The following HERC2 variants were observed in gnomAD, a reference collection of about 807,000 sequenced individuals.
HERC2 encodes E3 ubiquitin-protein ligase HERC2.
A neutral mutation model predicts 537.7 loss-of-function variants in HERC2; 102 were observed. That is an observed-to-expected ratio of 0.19 (90% CI 0.16 to 0.22). The LOEUF (loss-of-function observed/expected upper bound fraction) is 0.22. Among genes scored for constraint, HERC2 ranks in the 10% least tolerant of loss-of-function variants. HERC2 has a pLI of 1.00. For missense variants in HERC2, 4,236 were observed against 6,198.2 expected, an observed-to-expected ratio of 0.68 and a Z score of 10.63; for synonymous variants, 2,224 against 2,466.2, an observed-to-expected ratio of 0.90 and a Z score of 2.91.
intron 44 of HERC2, among the ~76,000 whole-genome samples, chr15:28,206,598 C>T (rs1205747170): frequency 6.6e-6 from 1 of 151,586 alleles, no homozygotes; most frequent in Non-Finnish European, 1.5e-5. Context: ...CTTCGGGAGG[C>T]CAAGGCGGGT....
At chr15:28,310,570 T>G (rs13380224) in intron 2 of HERC2, among the ~76,000 whole-genome samples, 10,575 of 151,842 alleles carry the variant, frequency 0.07, 738 homozygotes, top group African/African-American at 0.25. Flanking sequence ...TCTTCTAGTC[T>G]TCAGTCAGAG....
chr15:28,192,033 G>A lies in HERC2; in HGVS notation c.8379C>T (p.Ser2793=), dbSNP rs758585160. The A allele has an allele frequency of 9.9e-6, 16 of 1,613,926 alleles. No homozygotes were observed. The highest frequency in any genetic ancestry group is 2.2e-5 in the East Asian group (1 of 44,888). The change falls in exon 53 of 93, where the codon TCC becomes TCT. Residue 2793 remains serine, a synonymous_variant. Transcript: ENST00000261609. Reference sequence around the variant, plus strand: ...TGAGACGGGATGCCTGGTTCACGGAGGACGACACATTCAGGCTCTTCACCA... The same window carrying A: ...TGAGACGGGATGCCTGGTTCACGGAAGACGACACATTCAGGCTCTTCACCA... ...SRMVKSLNVS[S]SVNQASRLID...
chr15:28,274,305 C>T lies in HERC2; in HGVS notation c.786G>A (p.Arg262=), dbSNP rs1459929821. Reference sequence around the variant, plus strand: ...AAAGAACTCACCCCGTCACGACGGACCTGAGGAACCTGGTCGCTCTCTCCA... The same window carrying T: ...AAAGAACTCACCCCGTCACGACGGATCTGAGGAACCTGGTCGCTCTCTCCA... The part of the protein sequence containing the change: ...EVVERATRFL[R]SVVTGDVHGT... Residue 262 remains arginine (R), a synonymous_variant, in exon 7 of 93, where the codon AGG becomes AGA. Transcript: ENST00000261609. 6.2e-7 allele frequency: 1 copy of T among 1,614,082 alleles called. No individual in the cohort carries two copies. Among genetic ancestry groups the T allele is most frequent in the East Asian group, 2.2e-5 (1 of 44,894 alleles).
At chr15:28,142,592 C>T in intron 75 of HERC2, 199 bp from the exon 76 acceptor site, 1 of 633,358 alleles carries the variant, frequency 1.6e-6, no homozygotes, top group Non-Finnish European at 2.8e-6. Flanking sequence ...ACACTTGTTG[C>T]CTGCATCAAG....
At chr15:28,251,833 C>T (rs1020947883) in intron 20 of HERC2, among the ~76,000 whole-genome samples, 3 of 152,136 alleles carry the variant, frequency 2.0e-5, no homozygotes, top group African/African-American at 4.8e-5. Context: ...ATGTGTCATA[C>T]TTATCCCAAC....
chr15:28,283,870 G>GT (rs2076086605), intron 4 of HERC2, among the ~76,000 whole-genome samples: 1 of 152,156 alleles, frequency 6.6e-6, no homozygotes, highest in Non-Finnish European at 1.5e-5. Context: ...ATATACACAG[G>GT]TTGAGTGTCC....
In HERC2 at chr15:28,229,511, T is replaced by C. The variant is rs1208928174; in HGVS notation, c.5069A>G (p.Tyr1690Cys). The change falls in exon 33 of 93, where the codon TAT becomes TGT. Residue 1690 changes from tyrosine (Y) to cysteine (C), a missense_variant. By Grantham distance (194) the Tyr-to-Cys change is radical (BLOSUM62 -2). Transcript: ENST00000261609. ...SKNFLLPSVQ[Y>C]AMFCGWQRLI... ...TCTTTGCCATCCACAAAACATCGCA[T>C]ACTGCACAGATGGAAGTAAGAAATT... is the stretch of plus-strand genomic sequence containing the variant. The C allele has an allele frequency of 3.7e-6, 6 of 1,613,912 alleles. No homozygotes were observed. The highest frequency in any genetic ancestry group is 1.1e-5 in the South Asian group (1 of 91,078).
chr15:28,118,658 C>A (rs1282601670), intron 86 of HERC2, among the ~76,000 whole-genome samples: 3 of 152,234 alleles, frequency 2.0e-5, no homozygotes, highest in African/African-American at 7.2e-5. Flanking sequence ...ATGGCATCCT[C>A]TTGGGAGGCG....
At chr15:28,294,231 G>A (rs2525958) in intron 3 of HERC2, among the ~76,000 whole-genome samples, 33 of 152,152 alleles carry the variant, frequency 2.2e-4, no homozygotes, top group African/African-American at 5.3e-4. Context: ...GTTAATAACA[G>A]GAGAGAAAAG....
chr15:28,283,288 G>A (rs1312482468), intron 4 of HERC2, among the ~76,000 whole-genome samples: 4 of 151,954 alleles, frequency 2.6e-5, no homozygotes, highest in Non-Finnish European at 4.4e-5. Context: ...AAAAACAAAA[G>A]ACAAAACATT....
rs541711239 is a variant in HERC2, at chr15:28,274,729, G to A, written c.643+176C>T. Among the ~76,000 whole-genome samples the A allele has an allele frequency of 3.3e-5, 5 of 152,198 alleles. No individual in the cohort carries two copies. The East Asian group carries it at 9.7e-4, about 29-fold the overall frequency. ...ATACACTCTCTTTTTTTTCTTTAAAGCACAGATGTGAAAAGCCAAACAGCC... is the reference window on the plus strand; with the variant it reads ...ATACACTCTCTTTTTTTTCTTTAAAACACAGATGTGAAAAGCCAAACAGCC... On this transcript the variant is annotated intron_variant, in intron 6 of 92. Transcript: ENST00000261609.
Position 28,113,462 on chromosome 15 carries a change from T to G in HERC2, c.14019+111A>C, listed in dbSNP as rs554701073. The G allele has an allele frequency of 2.0e-4, 222 of 1,099,082 alleles. 1 individual carries two copies. In the African/African-American group the frequency reaches 3.1e-3, roughly 15 times the overall value. The allele number at this position is 1,099,082 out of a possible 1,614,324, so 68.1% of individuals were successfully genotyped here. On this transcript the variant is annotated intron_variant, in intron 91 of 92. Transcript: ENST00000261609. The surrounding 1 kb of genome is among the most constrained non-coding windows in gnomAD (Gnocchi z 7.0). The stretch of plus-strand genomic sequence containing the variant: ...GTGGAGGGACGCGCTCAGAGTGCAC[T>G]CCCTTCAGTCAACACACAGGGCAAG...
In HERC2 at chr15:28,256,410, ATTAT is replaced by A; in HGVS notation, c.2518-97_2518-94del. On this transcript the variant is annotated intron_variant, in intron 17 of 92. Coordinates refer to ENST00000261609, the MANE Select transcript of HERC2 (RefSeq NM_004667.6). ...CACTGAATAAAAGTCAATTTCAAGT[ATTAT>A]TTAAATAGACAATTTCTCAGTTTAT... 10 of 850,338 alleles carry A rather than the reference ATTAT, an allele frequency of 1.2e-5. No individual in the cohort carries two copies. In the South Asian group the frequency reaches 1.8e-4, roughly 15 times the overall value. The allele number at this position is 850,338 out of a possible 1,614,324, so 52.7% of individuals were successfully genotyped here.
chr15:28,259,421 G>C (rs1452847163), intron 16 of HERC2, among the ~76,000 whole-genome samples: 7 of 151,986 alleles, frequency 4.6e-5, no homozygotes, highest in Non-Finnish European at 1.0e-4. Context: ...GCAATCTCCA[G>C]ACTCAGATGG....
At chr15:28,255,820 G>C (rs1469693481) in intron 19 of HERC2, 52 bp downstream of exon 19, 1 of 1,567,476 alleles carries the variant, frequency 6.4e-7, no homozygotes, top group Non-Finnish European at 8.7e-7. Context: ...TGTGAGTGTG[G>C]TATTTCTGAT....
rs143907789 is a variant in HERC2 at position 28,206,766 on chromosome 15, G to T, written c.7070-384C>A. Among the ~76,000 whole-genome samples the T allele has an allele frequency of 0.012, 1,722 of 149,616 alleles. 162 individuals are homozygous for T. The East Asian group carries it at 0.25, about 21-fold the overall frequency. On this transcript the variant is annotated intron_variant, in intron 44 of 92. Coordinates refer to ENST00000261609, the MANE Select transcript of HERC2 (RefSeq NM_004667.6). ...GAGAATGGCATGAACCTGGGAGGCGGAGCTTGCAGTGAGCTGAGATTGTGC... is the reference window on the plus strand; with the variant it reads ...GAGAATGGCATGAACCTGGGAGGCGTAGCTTGCAGTGAGCTGAGATTGTGC...
At chr15:28,137,341 C>T (rs1311693575) in intron 78 of HERC2, among the ~76,000 whole-genome samples, 1 of 152,136 alleles carries the variant, frequency 6.6e-6, no homozygotes, top group African/African-American at 2.4e-5. Context: ...TATACAGGCA[C>T]ACCCCATTTG....
At chr15:28,210,272 T>G (rs999399359) in intron 44 of HERC2, among the ~76,000 whole-genome samples, 2 of 152,150 alleles carry the variant, frequency 1.3e-5, no homozygotes, top group African/African-American at 2.4e-5. Context: ...TAGCTAGAAC[T>G]ACAGGCGTCC....
rs753467838 is a variant in HERC2 at position 28,130,486 on chromosome 15, A to G, written c.12662+17T>C. 14 of 1,611,072 alleles carry G rather than the reference A, an allele frequency of 8.7e-6. No individual in the cohort carries two copies. The highest frequency in any genetic ancestry group is 1.7e-5 in the Admixed American group (1 of 60,006). ...AATCTGGTTTTAGTGGGTTTAAACA[A>G]ACAGAATCTTGCGTACCAGGTATAA... On this transcript the variant is annotated intron_variant, in intron 82 of 92. Coordinates refer to ENST00000261609, the MANE Select transcript of HERC2 (RefSeq NM_004667.6).
Sources: allele counts gnomAD v4.1 joint callset (sites outside exome capture counted in the v4.1 genomes callset), GRCh38; gene constraint gnomAD v4.1.1; non-coding constraint Gnocchi (gnomAD v3.1); transcripts MANE v1.5; gene names NCBI Gene and HGNC (gene_info 2026-07-23, HGNC 2026-07-21).